PCDHA12: variants seen among roughly 807,000 people sequenced by gnomAD.
The protein encoded by PCDHA12 is protocadherin alpha-12.
PCDHA12 carries 44 observed loss-of-function variants against 60.0 expected under a neutral mutation model. The observed-to-expected ratio is 0.73, with a 90% CI of 0.58 to 0.94. The LOEUF (loss-of-function observed/expected upper bound fraction) is 0.94, where lower values mean the gene tolerates loss of function less well. Among genes scored for constraint, PCDHA12 ranks in the 40% least tolerant of loss-of-function variants. PCDHA12 has a pLI of 0.00. For missense variants in PCDHA12, 1,276 were observed against 1,239.7 expected (o/e 1.03, Z -0.44); for synonymous variants, 569 against 553.0 (o/e 1.03, Z -0.40).
At chr5:140,920,505 T>C (rs545028033) in intron 1 of PCDHA12, among the ~76,000 whole-genome samples, 1 of 152,344 alleles carries the variant, frequency 6.6e-6, no homozygotes, top group South Asian at 2.1e-4. Flanking sequence ...TTCTACATAC[T>C]GTTTTATGCA....
At chr5:140,893,391 G>T (rs1481818388) in intron 1 of PCDHA12, among the ~76,000 whole-genome samples, 1 of 152,158 alleles carries the variant, frequency 6.6e-6, no homozygotes, top group Non-Finnish European at 1.5e-5. Context: ...AGTGGCTCAT[G>T]CCTGTAATCC....
At chr5:140,992,471 A>G (rs1563581785) in intron 3 of PCDHA12, among the ~76,000 whole-genome samples, 1 of 152,186 alleles carries the variant, frequency 6.6e-6, no homozygotes, top group Non-Finnish European at 1.5e-5. Context: ...TACTCTTTAG[A>G]TCACCCAGAG....
At chr5:140,881,335 C>A in intron 1 of PCDHA12, 1 of 984,916 alleles carries the variant, frequency 1.0e-6, no homozygotes, top group Non-Finnish European at 1.2e-6. Context: ...ACCAGGACGC[C>A]GATTCGGGCT....
At chr5:140,904,435 A>G (rs542932460) in intron 1 of PCDHA12, among the ~76,000 whole-genome samples, 4 of 151,230 alleles carry the variant, frequency 2.6e-5, no homozygotes, top group African/African-American at 9.7e-5. Flanking sequence ...ATATATATGT[A>G]TATTACAATT....
At chr5:140,886,852 G>T (rs1554182787) in intron 1 of PCDHA12, among the ~76,000 whole-genome samples, 1 of 146,470 alleles carries the variant, frequency 6.8e-6, no homozygotes, top group Non-Finnish European at 1.5e-5. Flanking sequence ...AAAAAAGAAA[G>T]GTCTTCCCAA....
At chr5:140,897,222 G>A (rs2065939417) in intron 1 of PCDHA12, among the ~76,000 whole-genome samples, 1 of 151,978 alleles carries the variant, frequency 6.6e-6, no homozygotes, top group Non-Finnish European at 1.5e-5. Context: ...TAGGGTACAT[G>A]TGCACAATGT....
chr5:140,909,437 C>T (rs2074495257), intron 1 of PCDHA12, among the ~76,000 whole-genome samples: 1 of 152,198 alleles, frequency 6.6e-6, no homozygotes, highest in African/African-American at 2.4e-5. Flanking sequence ...TGATAATCCA[C>T]TGTCATTCTC....
intron 1 of PCDHA12, chr5:140,968,024 A>C: frequency 1.2e-6 from 2 of 1,614,178 alleles, no homozygotes; most frequent in Non-Finnish European, 1.7e-6. Flanking sequence ...AAACTCCTAT[A>C]CACTGGTGGT....
intron 1 of PCDHA12, 157 bp downstream of exon 1, chr5:140,877,996 AT>A (rs1305761926): frequency 2.6e-5 from 27 of 1,037,884 alleles, no homozygotes; most frequent in Non-Finnish European, 3.2e-5. Flanking sequence ...ACTTTTATGT[AT>A]TTGTCTAACA....
At chr5:140,903,725 T>C (rs2070536820) in intron 1 of PCDHA12, among the ~76,000 whole-genome samples, 1 of 152,256 alleles carries the variant, frequency 6.6e-6, no homozygotes. Context: ...TTCTCCCTAT[T>C]ATCAATTATT....
At chr5:141,000,095 T>G (rs1299354306) in intron 3 of PCDHA12, among the ~76,000 whole-genome samples, 1 of 152,044 alleles carries the variant, frequency 6.6e-6, no homozygotes, top group Non-Finnish European at 1.5e-5. Flanking sequence ...TGAATGGAGC[T>G]CAACTCCGTC....
chr5:140,922,652 T>C (rs371970165), intron 1 of PCDHA12, among the ~76,000 whole-genome samples: 4 of 152,156 alleles, frequency 2.6e-5, no homozygotes, highest in African/African-American at 9.7e-5. Context: ...ACAGTAAATA[T>C]GGCTATACTG....
At chr5:140,969,034 G>A in intron 1 of PCDHA12, 1 of 1,614,144 alleles carries the variant, frequency 6.2e-7, no homozygotes, top group East Asian at 2.2e-5. Flanking sequence ...CTGCAGAACT[G>A]TACAAACAAG....
intron 1 of PCDHA12, among the ~76,000 whole-genome samples, chr5:140,911,947 G>A (rs559007219): frequency 1.4e-4 from 22 of 152,262 alleles, no homozygotes; most frequent in Non-Finnish European, 2.5e-4. Context: ...TATATATAAA[G>A]GGGAGGTTAC....
chr5:140,969,069 T>G, intron 1 of PCDHA12: 1 of 1,614,160 alleles, frequency 6.2e-7, no homozygotes, highest in Non-Finnish European at 8.5e-7. Flanking sequence ...GATGCCAGGA[T>G]ACCGCATGGC....
At chr5:140,891,196 A>C (rs1043715116) in intron 1 of PCDHA12, among the ~76,000 whole-genome samples, 5 of 151,974 alleles carry the variant, frequency 3.3e-5, no homozygotes, top group Non-Finnish European at 7.4e-5. Context: ...GATATTTTGC[A>C]GTTTTACCAT....
intron 1 of PCDHA12, among the ~76,000 whole-genome samples, chr5:140,978,010 T>G (rs2096785841): frequency 6.6e-6 from 1 of 152,156 alleles, no homozygotes; most frequent in African/African-American, 2.4e-5. Flanking sequence ...TTTTTCACAG[T>G]GACATTTTTG....
intron 1 of PCDHA12, chr5:140,927,766 GAGGTGCA>G: frequency 6.2e-7 from 1 of 1,614,234 alleles, no homozygotes. Context: ...TAAAAGTGGG[GAGGTGCA>G]AGTAGCTGCT....
At chr5:140,883,892 G>T in intron 1 of PCDHA12, 3 of 1,613,362 alleles carry the variant, frequency 1.9e-6, no homozygotes, top group Non-Finnish European at 1.7e-6. Context: ...CGACTCTGGC[G>T]TGCCGCCTCT....
Sources: allele counts gnomAD v4.1 joint callset (sites outside exome capture counted in the v4.1 genomes callset), GRCh38; gene constraint gnomAD v4.1.1; transcripts MANE v1.5; gene names NCBI Gene and HGNC (gene_info 2026-07-23, HGNC 2026-07-21).